The following TENM2 variants were observed in gnomAD, a reference collection of about 807,000 sequenced individuals.
TENM2 encodes teneurin transmembrane protein 2.
Under a neutral mutation model 245.2 loss-of-function variants are expected in TENM2, and 52 were observed. The ratio of observed to expected loss-of-function variants is 0.21; its 90% CI spans 0.17 to 0.27. TENM2 has a LOEUF of 0.27. TENM2 is among the 10% of genes least tolerant of loss of function. TENM2 has a pLI of 1.00. For missense variants in TENM2, 3,046 were observed against 3,666.8 expected (o/e 0.83, Z 4.37); for synonymous variants, 1,363 against 1,438.9 (o/e 0.95, Z 1.19).
At chr5:167,517,426 G>A (rs1298095342) in intron 2 of TENM2, among the ~76,000 whole-genome samples, 1 of 152,120 alleles carries the variant, frequency 6.6e-6, no homozygotes, top group Non-Finnish European at 1.5e-5. Flanking sequence ...TCAAGGGAGG[G>A]ATAGGGAGAT....
chr5:168,182,135 G>A (rs201231175), intron 13 of TENM2, among the ~76,000 whole-genome samples: 3 of 152,118 alleles, frequency 2.0e-5, no homozygotes, highest in Non-Finnish European at 2.9e-5. Flanking sequence ...TAAAAGGTTC[G>A]CAATGCAGGA....
At chr5:168,233,244 T>G (rs1218662766) in intron 25 of TENM2, among the ~76,000 whole-genome samples, 1 of 152,152 alleles carries the variant, frequency 6.6e-6, no homozygotes, top group Non-Finnish European at 1.5e-5. Flanking sequence ...GAGAATCGCT[T>G]GAACCAGGGA....
At position 168,002,291 on chromosome 5, in the gene TENM2, C is replaced by G. The variant is rs79996153; in HGVS notation, c.1186+9109C>G. On this transcript the variant is annotated intron_variant, in intron 5 of 28. Transcript: ENST00000518659. ...TTCGTGCAAACATGTTCGGCACTCC[C>G]CTAGGGACTCTGTCTTTATAAAAGA... 2.6e-3 allele frequency among the ~76,000 whole-genome samples: 393 copies of G among 152,278 alleles called. 1 individual carries two copies. The highest frequency in any genetic ancestry group is 9.1e-3 in the African/African-American group (378 of 41,558).
intron 1 of TENM2, among the ~76,000 whole-genome samples, chr5:167,294,801 G>T (rs920783493): frequency 3.9e-5 from 6 of 152,030 alleles, no homozygotes; most frequent in African/African-American, 1.5e-4. Flanking sequence ...TTCCTCTCAG[G>T]CCTTTATTTT....
At chr5:167,346,235 A>G (rs1385807067) in intron 1 of TENM2, among the ~76,000 whole-genome samples, 1 of 152,202 alleles carries the variant, frequency 6.6e-6, no homozygotes, top group Non-Finnish European at 1.5e-5. Flanking sequence ...GTCAAACAAG[A>G]TGCATTTATT....
intron 2 of TENM2, among the ~76,000 whole-genome samples, chr5:167,700,837 C>T (rs1758089682): frequency 6.7e-6 from 1 of 149,634 alleles, no homozygotes; most frequent in Admixed American, 6.8e-5. Flanking sequence ...TGTATCGATT[C>T]TATGTTCAGT....
the TENM2 span, among the ~76,000 whole-genome samples, chr5:167,248,467 G>A: frequency 6.6e-6 from 1 of 152,012 alleles, no homozygotes; most frequent in Non-Finnish European, 1.5e-5. Context: ...GTCTGGAGAG[G>A]GCCTGAGAAT....
At chr5:168,182,576 C>T (rs1293726344) in intron 13 of TENM2, among the ~76,000 whole-genome samples, 2 of 152,150 alleles carry the variant, frequency 1.3e-5, no homozygotes, top group African/African-American at 2.4e-5. Context: ...TTCTAAAGCC[C>T]GTGTTTGTTT....
At chr5:167,485,198 C>T (rs1199010033) in intron 2 of TENM2, among the ~76,000 whole-genome samples, 1 of 152,054 alleles carries the variant, frequency 6.6e-6, no homozygotes, top group African/African-American at 2.4e-5. Context: ...GATGCAGAAA[C>T]CACAGGGAGA....
chr5:168,211,839 G>A lies in TENM2; in HGVS notation c.3845+85G>A. 4.9e-6 allele frequency: 4 copies of A among 818,844 alleles called. No individual in the cohort carries two copies. The South Asian group carries it at 5.3e-5, about 11-fold the overall frequency. The allele number at this position is 818,844 out of a possible 1,614,324, so 50.7% of individuals were successfully genotyped here. On this transcript the variant is annotated intron_variant, in intron 20 of 28. Coordinates refer to ENST00000518659, the Ensembl canonical transcript of TENM2. ...GCTTTTTTTGTTTTGTGCTTCTTGT[G>A]TAATGTTGTATATTTTTATGTACCA... is the stretch of plus-strand genomic sequence containing the variant.
chr5:167,680,021 T>C (rs1358224417), intron 2 of TENM2, among the ~76,000 whole-genome samples: 1 of 152,102 alleles, frequency 6.6e-6, no homozygotes, highest in Non-Finnish European at 1.5e-5. Flanking sequence ...TCTCTTTTCC[T>C]TGTTAACTCC....
intron 3 of TENM2, among the ~76,000 whole-genome samples, chr5:167,901,055 A>G (rs745874027): frequency 6.6e-6 from 1 of 151,986 alleles, no homozygotes; most frequent in Non-Finnish European, 1.5e-5. Context: ...TTTTTCCTAC[A>G]TTCTAAGAAC....
intron 12 of TENM2, among the ~76,000 whole-genome samples, chr5:168,141,137 C>T (rs1406883384): frequency 4.6e-5 from 7 of 152,106 alleles, no homozygotes; most frequent in Non-Finnish European, 8.8e-5. Context: ...GCTTTGCAGG[C>T]ATGACCCAGA....
At chr5:167,983,036 CATATG>C (rs1234350392) in intron 4 of TENM2, among the ~76,000 whole-genome samples, 2 of 152,166 alleles carry the variant, frequency 1.3e-5, no homozygotes, top group Admixed American at 6.5e-5. Flanking sequence ...TGGACACTCC[CATATG>C]ATAGTGCATA....
In TENM2 at chr5:167,548,715, A is replaced by G. The variant is rs548535316; in HGVS notation, c.502+173242A>G. Among the ~76,000 whole-genome samples, 171 of 152,252 alleles carry G rather than the reference A, an allele frequency of 1.1e-3. 1 individual carries two copies. The highest frequency in any genetic ancestry group is 3.9e-3 in the African/African-American group (164 of 41,538). On this transcript the variant is annotated intron_variant, in intron 2 of 28. Coordinates refer to ENST00000518659, the Ensembl canonical transcript of TENM2. ...TCAAAAAACAAGATATAGACCATTT[A>G]CTTTAAATACCTAAAAATAAAAATG...
chr5:167,612,198 G>A (rs1435330841), intron 2 of TENM2, among the ~76,000 whole-genome samples: 1 of 151,992 alleles, frequency 6.6e-6, no homozygotes, highest in African/African-American at 2.4e-5. Flanking sequence ...GCTCACAACA[G>A]CACAATGTGT....
chr5:167,807,943 G>A (rs1766351717), intron 2 of TENM2, among the ~76,000 whole-genome samples: 1 of 152,128 alleles, frequency 6.6e-6, no homozygotes, highest in East Asian at 1.9e-4. Context: ...AGAAGATTTG[G>A]AAACTACTGT....
At chr5:168,176,781 G>A (rs934460660) in intron 13 of TENM2, among the ~76,000 whole-genome samples, 8 of 152,198 alleles carry the variant, frequency 5.3e-5, no homozygotes, top group Non-Finnish European at 1.5e-5. Flanking sequence ...AGAAGCAATT[G>A]TCTTTTATTC....
At chr5:167,109,564 A>T in the TENM2 span, among the ~76,000 whole-genome samples, 1 of 152,162 alleles carries the variant, frequency 6.6e-6, no homozygotes, top group African/African-American at 2.4e-5. Flanking sequence ...TAACAATAAA[A>T]GTGAATGGAA....
Sources: allele counts gnomAD v4.1 joint callset (sites outside exome capture counted in the v4.1 genomes callset), GRCh38; gene constraint gnomAD v4.1.1; transcripts MANE v1.5; gene names NCBI Gene and HGNC (gene_info 2026-07-23, HGNC 2026-07-21).